The following NINJ2 variants were observed in gnomAD, a reference collection of about 807,000 sequenced individuals.
NINJ2 encodes the protein ninjurin 2.
A neutral mutation model predicts 11.7 loss-of-function variants in NINJ2; 12 were observed. The ratio of observed to expected loss-of-function variants is 1.02; its 90% confidence interval spans 0.66 to 1.66. NINJ2 has a LOEUF of 1.66. Ranked by LOEUF, NINJ2 falls within the 40% of genes most tolerant of loss-of-function variation. NINJ2 has a pLI of 0.00. For synonymous variants in NINJ2, 93 were observed against 76.8 expected, an observed-to-expected ratio of 1.21 and a Z score of -1.10; for missense variants, 187 against 181.8, an observed-to-expected ratio of 1.03 and a Z score of -0.16.
chr12:654,947 A>T (rs1180266273), intron 1 of NINJ2, among the ~76,000 whole-genome samples: 1 of 152,202 alleles, frequency 6.6e-6, no homozygotes, highest in East Asian at 1.9e-4. Context: ...AATGTAATTA[A>T]TCACACCAAC....
At position 591,849 on chromosome 12, in the gene NINJ2, AAGAGTGAC is replaced by A. The variant is rs149166427; in HGVS notation, c.34-25679_34-25672del. Reference sequence around the variant, plus strand: ...TCATTAGAACAGGAAAGCCTTCTGAAAGAGTGACGTGGCCGGCGGCAGGTATGGTGTGT... The same window carrying A: ...TCATTAGAACAGGAAAGCCTTCTGAAGTGGCCGGCGGCAGGTATGGTGTGT... On this transcript the variant is annotated intron_variant, in intron 1 of 3. Transcript: ENST00000305108. The surrounding 1 kb of genome is among the most constrained non-coding windows in gnomAD (Gnocchi z 5.0). Among the ~76,000 whole-genome samples the A allele has an allele frequency of 7.7e-3, 1,179 of 152,250 alleles. 13 individuals carry two copies. The highest frequency in any genetic ancestry group is 0.027 in the African/African-American group (1,129 of 41,544).
At chr12:612,569 G>C (rs1484665227) in intron 1 of NINJ2, among the ~76,000 whole-genome samples, 1 of 152,160 alleles carries the variant, frequency 6.6e-6, no homozygotes, top group African/African-American at 2.4e-5. Flanking sequence ...GAGAGGCCAG[G>C]CAGCCCCAGA....
At chr12:643,073 G>T (rs1468358906) in intron 1 of NINJ2, 1 of 153,326 alleles carries the variant, frequency 6.5e-6, no homozygotes, top group Non-Finnish European at 1.5e-5. Flanking sequence ...GGCCGCCTGC[G>T]GAGCGCAGGA....
At chr12:646,965 C>A (rs969771706) in intron 1 of NINJ2, among the ~76,000 whole-genome samples, 1 of 152,156 alleles carries the variant, frequency 6.6e-6, no homozygotes, top group Non-Finnish European at 1.5e-5. Context: ...CTCGCTGTTC[C>A]AGGATACTGG....
At chr12:598,418 G>T (rs1376644623) in intron 1 of NINJ2, among the ~76,000 whole-genome samples, 2 of 152,176 alleles carry the variant, frequency 1.3e-5, no homozygotes, top group African/African-American at 4.8e-5. Context: ...GGAGAGGGCT[G>T]CCCGAGCTTG....
At chr12:623,452 T>A (rs1328823778) in intron 1 of NINJ2, among the ~76,000 whole-genome samples, 1 of 152,196 alleles carries the variant, frequency 6.6e-6, no homozygotes, top group Non-Finnish European at 1.5e-5. Context: ...TCTCTGAATG[T>A]ACCAGCCAAA....
At chr12:653,924 T>C (rs1036110021) in intron 1 of NINJ2, among the ~76,000 whole-genome samples, 2 of 152,102 alleles carry the variant, frequency 1.3e-5, no homozygotes, top group African/African-American at 4.8e-5. Flanking sequence ...ATCAGCTGAG[T>C]GTGGTATCTC....
intron 1 of NINJ2, chr12:630,860 C>T (rs1306480465): frequency 6.6e-6 from 1 of 152,352 alleles, no homozygotes; most frequent in Non-Finnish European, 1.5e-5. Context: ...GCGCACAGAC[C>T]CAAATGGCGC....
chr12:663,219 AAG>A, intron 1 of NINJ2, 107 bp downstream of exon 1: 1 of 980,876 alleles, frequency 1.0e-6, no homozygotes, highest in Non-Finnish European at 1.5e-6. Context: ...AGTGAGTAAG[AAG>A]AGAACGGGGA....
intron 1 of NINJ2, among the ~76,000 whole-genome samples, chr12:596,410 C>T (rs1947786215): frequency 6.6e-6 from 1 of 152,132 alleles, no homozygotes; most frequent in African/African-American, 2.4e-5. Context: ...TTAGCTGCAA[C>T]AAATGGACCC....
rs12581611 is a variant in NINJ2, at chr12:574,136, G to A, written c.34-7958C>T. ...CTTGGGAAGCTGAGGCAGGAGAATC[G>A]CTTGAACCTGGGAAGGCAGAGGTTG... On this transcript the variant is annotated intron_variant, in intron 1 of 3. Coordinates refer to ENST00000305108, the MANE Select transcript of NINJ2 (RefSeq NM_016533.6). Among the ~76,000 whole-genome samples the A allele has an allele frequency of 3.8e-4, 58 of 151,976 alleles. No individual in the cohort carries two copies. In the East Asian group the frequency reaches 9.3e-3, roughly 24 times the overall value.
At chr12:634,262 G>GTTTTTTTT (rs1565643231) in intron 1 of NINJ2, among the ~76,000 whole-genome samples, 2 of 75,622 alleles carry the variant, frequency 2.6e-5, no homozygotes, top group African/African-American at 7.9e-5. Flanking sequence ...ATTAGTTGCA[G>GTTTTTTTT]TTCTTTTTTT....
At chr12:605,696 T>C (rs1353954127) in intron 1 of NINJ2, among the ~76,000 whole-genome samples, 1 of 152,214 alleles carries the variant, frequency 6.6e-6, no homozygotes, top group African/African-American at 2.4e-5. Flanking sequence ...CCCATGCAGA[T>C]AAAGCTTCAC....
intron 1 of NINJ2, among the ~76,000 whole-genome samples, chr12:621,841 A>G (rs1236230186): frequency 2.0e-5 from 3 of 150,756 alleles, no homozygotes; most frequent in African/African-American, 7.3e-5. Context: ...AAGAGAGAGA[A>G]AGAATAGTGT....
At chr12:636,521 A>G (rs762542232) in intron 1 of NINJ2, among the ~76,000 whole-genome samples, 1 of 152,136 alleles carries the variant, frequency 6.6e-6, no homozygotes, top group Non-Finnish European at 1.5e-5. Flanking sequence ...AACTCCTACA[A>G]CTTAACAGCG....
At chr12:588,385 T>C (rs962869203) in intron 1 of NINJ2, among the ~76,000 whole-genome samples, 3 of 152,210 alleles carry the variant, frequency 2.0e-5, no homozygotes, top group African/African-American at 7.2e-5. Context: ...ATTAATACAT[T>C]TGACTGCATA....
intron 1 of NINJ2, among the ~76,000 whole-genome samples, chr12:593,729 G>A (rs1016861403): frequency 1.3e-5 from 2 of 151,864 alleles, no homozygotes; most frequent in African/African-American, 4.8e-5. Flanking sequence ...GGAGGAGGAG[G>A]AGCAGAAGGA....
chr12:625,381 C>T (rs1026005259), intron 1 of NINJ2, among the ~76,000 whole-genome samples: 1 of 151,942 alleles, frequency 6.6e-6, no homozygotes, highest in African/African-American at 2.4e-5. Flanking sequence ...AAGGTGAAGT[C>T]GAGACCTTGC....
At chr12:572,308 C>T (rs1947389476) in intron 1 of NINJ2, among the ~76,000 whole-genome samples, 1 of 152,212 alleles carries the variant, frequency 6.6e-6, no homozygotes, top group African/African-American at 2.4e-5. Context: ...TTCCTGTGTG[C>T]CAGCGCACAG....
Sources: allele counts gnomAD v4.1 joint callset (sites outside exome capture counted in the v4.1 genomes callset), GRCh38; gene constraint gnomAD v4.1.1; non-coding constraint Gnocchi (gnomAD v3.1); transcripts MANE v1.5; gene names NCBI Gene and HGNC (gene_info 2026-07-23, HGNC 2026-07-21).